IPCEF1: variants seen among roughly 807,000 people sequenced by gnomAD.
IPCEF1 encodes the protein interactor protein for cytohesin exchange factors 1.
A neutral mutation model predicts 50.9 loss-of-function variants in IPCEF1; 31 were observed. That is an observed-to-expected ratio of 0.61 (90% confidence interval 0.46 to 0.82). The LOEUF (loss-of-function observed/expected upper bound fraction) is 0.82, where lower values mean the gene tolerates loss of function less well. Among genes scored for constraint, IPCEF1 ranks in the 40% least tolerant of loss-of-function variants. The probability of loss-of-function intolerance (pLI) is 0.00; values close to 1 mark genes in which losing one functional copy is unlikely to be tolerated. For missense variants in IPCEF1, 458 were observed against 514.0 expected (o/e 0.89, Z 1.05); for synonymous variants, 181 against 192.0 (o/e 0.94, Z 0.47).
chr6:154,299,492 C>A lies in IPCEF1; in HGVS notation c.-61-9736G>T, dbSNP rs1004455930. The stretch of plus-strand genomic sequence containing the variant: ...GCAGGGACATAGATGAAGCTGGAAA[C>A]CATTATCCTTAGCAAACACTGCATG... On this transcript the variant is annotated intron_variant, in intron 1 of 11. Transcript: ENST00000367220. Among the ~76,000 whole-genome samples, 2 of 141,432 alleles carry A rather than the reference C, an allele frequency of 1.4e-5. 1 individual carries two copies. Among genetic ancestry groups the A allele is most frequent in the African/African-American group, 5.1e-5 (2 of 39,518 alleles). 92.8% of individuals were successfully genotyped at this position (141,432 alleles called of 152,430 possible). A position where few individuals can be genotyped will look rare whatever the true frequency, so the allele number is the denominator to read the frequency against.
chr6:154,223,178 CT>C lies in IPCEF1; in HGVS notation c.311del (p.Lys104ArgfsTer26). 6.2e-7 allele frequency: 1 copy of C among 1,613,428 alleles called. No individual in the cohort carries two copies. Among genetic ancestry groups the C allele is most frequent in the Non-Finnish European group, 8.5e-7 (1 of 1,179,586 alleles). On this transcript the variant is annotated frameshift_variant, in exon 6 of 12. Coordinates refer to ENST00000367220, the MANE Select transcript of IPCEF1 (RefSeq NM_001130700.2). LOFTEE classifies it high-confidence loss of function. The part of the protein sequence containing the change: ...DFTVERASEC[K>X]KKHAFKISHP... The stretch of plus-strand genomic sequence containing the variant: ...GATGAGAGACAACTTACTGCTTTTT[CT>C]TGCATTCAGATGCTCTTTCCACAGT...
intron 10 of IPCEF1, among the ~76,000 whole-genome samples, chr6:154,191,228 G>T (rs1415759315): frequency 1.3e-5 from 2 of 152,200 alleles, no homozygotes; most frequent in Non-Finnish European, 2.9e-5. Flanking sequence ...GAGGTTGTCA[G>T]GTTCCTGGGA....
At chr6:154,352,177 CTAAATG>C (rs1784130528) in intron 1 of IPCEF1, among the ~76,000 whole-genome samples, 1 of 152,038 alleles carries the variant, frequency 6.6e-6, no homozygotes, top group East Asian at 1.9e-4. Context: ...GTAAATGTAA[CTAAATG>C]TAAATGTAAA....
chr6:154,173,556 G>A (rs952500915), intron 10 of IPCEF1, among the ~76,000 whole-genome samples: 2 of 152,034 alleles, frequency 1.3e-5, no homozygotes, highest in African/African-American at 2.4e-5. Context: ...TCAATCAAGT[G>A]GAAGAAAGGG....
chr6:154,176,945 T>A (rs543521653), intron 10 of IPCEF1, among the ~76,000 whole-genome samples: 8 of 151,994 alleles, frequency 5.3e-5, no homozygotes, highest in Non-Finnish European at 7.4e-5. Flanking sequence ...AACAGAGATA[T>A]AGACCAATGG....
intron 10 of IPCEF1, among the ~76,000 whole-genome samples, chr6:154,186,231 A>C (rs1363918190): frequency 6.6e-6 from 1 of 152,232 alleles, no homozygotes; most frequent in East Asian, 1.9e-4. Flanking sequence ...ATTCAACTTC[A>C]AATTCTTGAT....
chr6:154,277,604 T>C (rs1782094266), intron 2 of IPCEF1, among the ~76,000 whole-genome samples: 1 of 152,248 alleles, frequency 6.6e-6, no homozygotes, highest in Admixed American at 6.5e-5. Context: ...GAAAATGTTC[T>C]ATTTGTTTTT....
intron 9 of IPCEF1, among the ~76,000 whole-genome samples, chr6:154,208,955 A>C (rs552535988): frequency 1.4e-4 from 21 of 152,226 alleles, no homozygotes; most frequent in African/African-American, 5.1e-4. Context: ...TCTTTCCACT[A>C]TCAACCCTCT....
chr6:154,238,557 C>T (rs1226825799), intron 5 of IPCEF1, among the ~76,000 whole-genome samples: 1 of 152,166 alleles, frequency 6.6e-6, no homozygotes, highest in Non-Finnish European at 1.5e-5. Context: ...TGAGCCACTA[C>T]ACCCGGCCAA....
At chr6:154,321,888 T>C (rs1426960650) in intron 1 of IPCEF1, among the ~76,000 whole-genome samples, 2 of 145,188 alleles carry the variant, frequency 1.4e-5, no homozygotes, top group Non-Finnish European at 3.0e-5. Context: ...GGAACCCCGA[T>C]ACCAAAACCT....
rs764937431 is a variant in IPCEF1, at chr6:154,169,357, T to TCA, written c.911-1246_911-1245dup. Among the ~76,000 whole-genome samples, 232 of 151,384 alleles carry TCA rather than the reference T, an allele frequency of 1.5e-3. 2 individuals are homozygous for TCA. The East Asian group carries it at 0.033, about 21-fold the overall frequency. ...GCCTGGGCTACAGAGTGAGACTCTG[T>TCA]CACACACACACACACAAAATATCAT... On this transcript the variant is annotated intron_variant, in intron 10 of 11. Transcript: ENST00000367220.
At chr6:154,184,635 T>C (rs531425624) in intron 10 of IPCEF1, among the ~76,000 whole-genome samples, 1 of 152,256 alleles carries the variant, frequency 6.6e-6, no homozygotes, top group African/African-American at 2.4e-5. Flanking sequence ...ATTGTAGGCA[T>C]AGTGCCTATA....
intron 11 of IPCEF1, among the ~76,000 whole-genome samples, chr6:154,160,685 C>T (rs1296140463): frequency 6.6e-6 from 1 of 152,118 alleles, no homozygotes; most frequent in Non-Finnish European, 1.5e-5. Context: ...ATGTCTAGCT[C>T]AGGTTAGAGT....
intron 10 of IPCEF1, among the ~76,000 whole-genome samples, chr6:154,180,414 A>ATTATTTTT (rs1554289565): frequency 3.1e-5 from 2 of 65,268 alleles, no homozygotes; most frequent in African/African-American, 9.6e-5. Context: ...ATATATATAT[A>ATTATTTTT]TTTTTTTTTT....
intron 1 of IPCEF1, among the ~76,000 whole-genome samples, chr6:154,326,955 G>A (rs539346279): frequency 6.6e-6 from 1 of 152,226 alleles, no homozygotes; most frequent in African/African-American, 2.4e-5. Context: ...ACAAAAACAA[G>A]CAATGGAGAA....
rs116504957 is a variant in IPCEF1, at chr6:154,239,388, A to G, written c.246+7203T>C. 2.7e-3 allele frequency among the ~76,000 whole-genome samples: 414 copies of G among 152,368 alleles called. 1 individual carries two copies. The highest frequency in any genetic ancestry group is 9.1e-3 in the African/African-American group (378 of 41,590). On this transcript the variant is annotated intron_variant, in intron 5 of 11. Transcript: ENST00000367220. ...ATACATTATAGACAATAAATAAACT[A>G]AATGTCCATTTAAAAATTCATTTCC...
rs1384817497 is a variant in IPCEF1 at position 154,168,992 on chromosome 6, T to C, written c.911-879A>G. On this transcript the variant is annotated intron_variant, in intron 10 of 11. Transcript: ENST00000367220. The surrounding 1 kb of genome is among the most constrained non-coding windows in gnomAD (Gnocchi z 4.1). Reference sequence around the variant, plus strand: ...AAATTCATGTGTTTCTCACGTGCAATATATTCACCTCATCCCAACAACTCC... The same window carrying C: ...AAATTCATGTGTTTCTCACGTGCAACATATTCACCTCATCCCAACAACTCC... Among the ~76,000 whole-genome samples the C allele has an allele frequency of 1.3e-5, 2 of 151,920 alleles. No individual in the cohort carries two copies. Among genetic ancestry groups the C allele is most frequent in the Admixed American group, 6.6e-5 (1 of 15,248 alleles).
chr6:154,263,360 G>A lies in IPCEF1; in HGVS notation c.36+2552C>T, dbSNP rs149401753. Among the ~76,000 whole-genome samples, 734 of 146,322 alleles carry A rather than the reference G, an allele frequency of 5.0e-3. 8 individuals are homozygous for A. The highest frequency in any genetic ancestry group is 0.017 in the African/African-American group (688 of 39,462). On this transcript the variant is annotated intron_variant, in intron 3 of 11. Coordinates refer to ENST00000367220, the MANE Select transcript of IPCEF1 (RefSeq NM_001130700.2). Reference sequence around the variant, plus strand: ...TCAGCACATAAACAAGTGAACAAAGGTCTCTGGTTTTCCTAGGCAGAGGAC... The same window carrying A: ...TCAGCACATAAACAAGTGAACAAAGATCTCTGGTTTTCCTAGGCAGAGGAC...
rs1290220623 is a variant in IPCEF1 at position 154,160,005 on chromosome 6, C to A, written c.1140G>T (p.Leu380Phe). 6.2e-7 allele frequency: 1 copy of A among 1,612,204 alleles called. No individual in the cohort carries two copies. Among genetic ancestry groups the A allele is most frequent in the Non-Finnish European group, 8.5e-7 (1 of 1,179,934 alleles). The change falls in exon 12 of 12, where the codon TTG becomes TTT. Residue 380 changes from leucine (L) to phenylalanine (F), a missense_variant. By Grantham distance (22) the Leu-to-Phe change is conservative. Coordinates refer to ENST00000367220, the MANE Select transcript of IPCEF1 (RefSeq NM_001130700.2). ...TGGCTGTCAGCTTCGGGTCATCCAG[C>A]AACTGGTTAATCATGGCCAGATCAT... ...KEHDLAMINQ[L>F]LDDPKLTARK...
Sources: allele counts gnomAD v4.1 joint callset (sites outside exome capture counted in the v4.1 genomes callset), GRCh38; gene constraint gnomAD v4.1.1; non-coding constraint Gnocchi (gnomAD v3.1); transcripts MANE v1.5; gene names NCBI Gene and HGNC (gene_info 2026-07-23, HGNC 2026-07-21).